The following KCNIP4 variants were observed in gnomAD, a reference collection of about 807,000 sequenced individuals.
The protein encoded by KCNIP4 is Kv channel-interacting protein 4.
A neutral mutation model predicts 34.0 loss-of-function variants in KCNIP4; 12 were observed. The observed-to-expected ratio is 0.35, with a 90% CI of 0.23 to 0.57. The LOEUF (loss-of-function observed/expected upper bound fraction) is 0.57, where lower values mean the gene tolerates loss of function less well. Ranked by LOEUF, KCNIP4 falls within the 20% of genes least tolerant of loss-of-function variation. KCNIP4 has a pLI of 0.83. For synonymous variants in KCNIP4, 124 were observed against 102.2 expected (o/e 1.21, Z -1.29); for missense variants, 238 against 311.7 (o/e 0.76, Z 1.78).
At chr4:21,352,451 CA>C (rs2109379009) in intron 1 of KCNIP4, among the ~76,000 whole-genome samples, 1 of 152,344 alleles carries the variant, frequency 6.6e-6, no homozygotes, top group African/African-American at 2.4e-5. Flanking sequence ...ACAGTCTTAG[CA>C]ACTGGCAGAC....
intron 1 of KCNIP4, among the ~76,000 whole-genome samples, chr4:21,276,026 A>G (rs1762415279): frequency 6.6e-6 from 1 of 152,236 alleles, no homozygotes; most frequent in Non-Finnish European, 1.5e-5. Flanking sequence ...GCCACAGTCA[A>G]AACCATTCTG....
At chr4:21,317,676 T>C (rs953859997) in intron 1 of KCNIP4, among the ~76,000 whole-genome samples, 3 of 152,224 alleles carry the variant, frequency 2.0e-5, no homozygotes, top group African/African-American at 7.2e-5. Flanking sequence ...TTTTGAGAAC[T>C]GATATGGTTT....
intron 1 of KCNIP4, among the ~76,000 whole-genome samples, chr4:20,897,946 CT>C (rs1165254583): frequency 6.6e-6 from 1 of 152,166 alleles, no homozygotes; most frequent in Non-Finnish European, 1.5e-5. Flanking sequence ...GTCAAATATT[CT>C]TTCTTGGTGG....
At chr4:21,618,630 C>CTTTTTTTTTTTT (rs58967707) in intron 1 of KCNIP4, among the ~76,000 whole-genome samples, 128 of 81,760 alleles carry the variant, frequency 1.6e-3, no homozygotes, top group Non-Finnish European at 1.8e-3. Context: ...TTTTCTTTTT[C>CTTTTTTTTTTTT]TTTTTTTTTT....
chr4:21,858,878 T>C (rs1724905107), intron 1 of KCNIP4, among the ~76,000 whole-genome samples: 1 of 152,224 alleles, frequency 6.6e-6, no homozygotes. Flanking sequence ...TCCTAAGATA[T>C]ACTCATATAG....
At chr4:20,859,922 G>A (rs1236845380) in intron 2 of KCNIP4, among the ~76,000 whole-genome samples, 1 of 152,140 alleles carries the variant, frequency 6.6e-6, no homozygotes, top group Admixed American at 6.5e-5. Flanking sequence ...CAGAACTCAG[G>A]CCATGTGTGC....
intron 1 of KCNIP4, among the ~76,000 whole-genome samples, chr4:21,784,397 C>G (rs780329288): frequency 6.6e-6 from 1 of 151,518 alleles, no homozygotes; most frequent in Non-Finnish European, 1.5e-5. Context: ...AACTTTCTTG[C>G]CCAAAGAAAA....
At chr4:21,857,964 G>A (rs1274385937) in intron 1 of KCNIP4, among the ~76,000 whole-genome samples, 1 of 152,210 alleles carries the variant, frequency 6.6e-6, no homozygotes, top group Non-Finnish European at 1.5e-5. Context: ...AGTGCCAGCT[G>A]TGGAAGCTGC....
At chr4:21,628,438 GT>G (rs1745483025) in intron 1 of KCNIP4, among the ~76,000 whole-genome samples, 3 of 152,112 alleles carry the variant, frequency 2.0e-5, no homozygotes, top group South Asian at 4.1e-4. Flanking sequence ...GCACATGCTG[GT>G]ACTTGACATA....
intron 1 of KCNIP4, among the ~76,000 whole-genome samples, chr4:21,900,853 A>G (rs966246558): frequency 3.3e-5 from 5 of 152,192 alleles, no homozygotes; most frequent in South Asian, 2.1e-4. Flanking sequence ...TTTTCTGTGC[A>G]TAAATGTCAC....
At chr4:21,440,293 T>C (rs780269120) in intron 1 of KCNIP4, among the ~76,000 whole-genome samples, 2 of 152,224 alleles carry the variant, frequency 1.3e-5, no homozygotes, top group African/African-American at 2.4e-5. Flanking sequence ...TTCACTGTAA[T>C]GAGAATAACC....
intron 1 of KCNIP4, among the ~76,000 whole-genome samples, chr4:21,741,054 G>A (rs995563009): frequency 2.0e-5 from 3 of 152,234 alleles, no homozygotes; most frequent in South Asian, 2.1e-4. Flanking sequence ...TAAGCCCATG[G>A]TGGGCTTATT....
At chr4:20,982,173 C>A (rs1452581810) in intron 1 of KCNIP4, among the ~76,000 whole-genome samples, 3 of 152,168 alleles carry the variant, frequency 2.0e-5, no homozygotes, top group Non-Finnish European at 4.4e-5. Flanking sequence ...GCGCTATCCT[C>A]ATAATGCTGT....
intron 1 of KCNIP4, among the ~76,000 whole-genome samples, chr4:21,905,847 T>A (rs1262850639): frequency 6.6e-6 from 1 of 152,100 alleles, no homozygotes. Context: ...CTTACATCTA[T>A]ATGTAAGTTG....
intron 1 of KCNIP4, among the ~76,000 whole-genome samples, chr4:21,671,861 C>G (rs115245634): frequency 6.6e-6 from 1 of 152,092 alleles, no homozygotes; most frequent in Non-Finnish European, 1.5e-5. Context: ...TTGAATTCCT[C>G]CCCAGCAATG....
At chr4:21,202,362 A>T (rs774996061) in intron 1 of KCNIP4, among the ~76,000 whole-genome samples, 3 of 152,194 alleles carry the variant, frequency 2.0e-5, no homozygotes, top group Non-Finnish European at 4.4e-5. Context: ...CTCACCTATT[A>T]GTGGAAGCTG....
chr4:21,235,453 C>G (rs968296324), intron 1 of KCNIP4, among the ~76,000 whole-genome samples: 2 of 152,122 alleles, frequency 1.3e-5, no homozygotes, highest in African/African-American at 4.8e-5. Flanking sequence ...AGGGATTTTG[C>G]ATCTACTAGG....
At chr4:21,241,774 C>T (rs562043455) in intron 1 of KCNIP4, among the ~76,000 whole-genome samples, 1 of 152,194 alleles carries the variant, frequency 6.6e-6, no homozygotes, top group African/African-American at 2.4e-5. Context: ...GGGCTTGAGT[C>T]CTAGGCCTCT....
chr4:21,569,976 G>A (rs927732440), intron 1 of KCNIP4, among the ~76,000 whole-genome samples: 2 of 151,992 alleles, frequency 1.3e-5, no homozygotes, highest in Non-Finnish European at 2.9e-5. Flanking sequence ...GGGCTATGTG[G>A]TACTCCCCCC....
Sources: gnomAD v4.1 joint callset for allele counts (sites outside exome capture counted in the v4.1 genomes callset) on GRCh38, gnomAD v4.1.1 for gene constraint, MANE v1.5 for transcripts, NCBI Gene and HGNC (gene_info 2026-07-23, HGNC 2026-07-21) for gene names.